Variants in TAMM41 observed in about 807,000 individuals in gnomAD.
TAMM41 encodes phosphatidate cytidylyltransferase, mitochondrial.
A neutral mutation model predicts 44.1 loss-of-function variants in TAMM41; 36 were observed. The ratio of observed to expected loss-of-function variants is 0.82; its 90% confidence interval spans 0.63 to 1.08. The LOEUF (loss-of-function observed/expected upper bound fraction) is 1.08. Ranked by LOEUF, TAMM41 falls within the 50% of genes least tolerant of loss-of-function variation. The pLI, the probability that TAMM41 is intolerant of heterozygous loss-of-function variation, is 0.00. For synonymous variants in TAMM41, 164 were observed against 153.1 expected, an observed-to-expected ratio of 1.07 and a Z score of -0.53; for missense variants, 417 against 404.3, an observed-to-expected ratio of 1.03 and a Z score of -0.27.
intron 4 of TAMM41, among the ~76,000 whole-genome samples, chr3:11,821,021 A>C (rs1280511264): frequency 6.6e-6 from 1 of 152,224 alleles, no homozygotes; most frequent in Non-Finnish European, 1.5e-5. Context: ...ACTGAGGTCA[A>C]GTTACTTAAA....
At chr3:11,788,926 A>G (rs2077433348), downstream of TAMM41, among the ~76,000 whole-genome samples, 4 of 152,144 alleles carry the variant, frequency 2.6e-5, no homozygotes, top group Admixed American at 2.6e-4. Context: ...AACAAGGGCG[A>G]AATTCCATCT....
rs199685690 is a variant in TAMM41 at position 11,846,539 on chromosome 3, C to G, written c.98G>C (p.Gly33Ala). 14 of 1,614,206 alleles carry G rather than the reference C, an allele frequency of 8.7e-6. No individual in the cohort carries two copies. Among genetic ancestry groups the G allele is most frequent in the Non-Finnish European group, 1.2e-5 (14 of 1,180,030 alleles). ...ACTCGGCCCTGCCTGGCGGTACACC[C>G]CGGAGCCGTAGACGAAAGCCAGACT... Reference protein sequence around the residue: ...ELSLAFVYGSGVYRQAGPSSD... With the variant: ...ELSLAFVYGSAVYRQAGPSSD... The change falls in exon 1 of 8, where the codon GGG becomes GCG. Residue 33 changes from glycine to alanine, a missense_variant. Physicochemically the swap from Gly to Ala is moderately conservative, Grantham distance 60 (BLOSUM62 0). Coordinates refer to ENST00000455809, the MANE Select transcript of TAMM41 (RefSeq NM_001284401.2).
chr3:11,827,354 G>C (rs184170723), intron 4 of TAMM41, among the ~76,000 whole-genome samples: 1 of 150,008 alleles, frequency 6.7e-6, no homozygotes, highest in East Asian at 1.9e-4. Flanking sequence ...GTGTCATCCA[G>C]GCTGGAGTGC....
intron 3 of TAMM41, among the ~76,000 whole-genome samples, chr3:11,834,750 G>A (rs2079109192): frequency 6.6e-6 from 1 of 152,170 alleles, no homozygotes; most frequent in African/African-American, 2.4e-5. Flanking sequence ...GCAGTGGCAT[G>A]ATCTTGACTC....
chr3:11,748,412 G>A, the TAMM41 span, among the ~76,000 whole-genome samples: 1 of 152,060 alleles, frequency 6.6e-6, no homozygotes, highest in South Asian at 2.1e-4. Flanking sequence ...CCTCCGAGTA[G>A]CTGGAACTAC....
intron 4 of TAMM41, among the ~76,000 whole-genome samples, chr3:11,818,428 A>G: frequency 6.6e-6 from 1 of 152,232 alleles, no homozygotes; most frequent in East Asian, 1.9e-4. Flanking sequence ...TATTTGCCAC[A>G]ATGGATTTTC....
At chr3:11,793,744 G>A (rs1205624164) in intron 7 of TAMM41, among the ~76,000 whole-genome samples, 1 of 152,126 alleles carries the variant, frequency 6.6e-6, no homozygotes, top group African/African-American at 2.4e-5. Context: ...GCTTATACAT[G>A]GTTAAAAAAT....
At chr3:11,793,059 C>CAAAAAAAAAAAAAAAAAAAAAAAAAA (rs61264653) in intron 7 of TAMM41, among the ~76,000 whole-genome samples, 1 of 65,128 alleles carries the variant, frequency 1.5e-5, no homozygotes, top group African/African-American at 6.7e-5. Context: ...GGCCCCATCT[C>CAAAAAAAAAAAAAAAAAAAAAAAAAA]AAAAAAAAAA....
intron 3 of TAMM41, among the ~76,000 whole-genome samples, chr3:11,833,450 T>C (rs2079062041): frequency 6.6e-6 from 1 of 152,184 alleles, no homozygotes; most frequent in Admixed American, 6.5e-5. Context: ...ACTGTTCAAA[T>C]ACTCAACCGC....
chr3:11,845,896 G>A (rs1415245203), intron 1 of TAMM41, among the ~76,000 whole-genome samples: 1 of 152,232 alleles, frequency 6.6e-6, no homozygotes, highest in African/African-American at 2.4e-5. Context: ...AGTGCTGAGC[G>A]AGGGTAAATA....
chr3:11,817,292 T>C lies in TAMM41; in HGVS notation c.608A>G (p.Asn203Ser), dbSNP rs756952041. ...VVGEDKTKVL[N>S]IVKPNIAHFR... ...GTGGGCTATATTGGGCTTCACAATA[T>C]TCAACACTTTTGTTTTATCTTCTCC... is the stretch of plus-strand genomic sequence containing the variant. The change falls in exon 5 of 8, where the codon AAT becomes AGT. Residue 203 changes from asparagine to serine, a missense_variant. Coordinates refer to ENST00000455809, the MANE Select transcript of TAMM41 (RefSeq NM_001284401.2). The C allele has an allele frequency of 6.2e-6, 10 of 1,612,686 alleles. No homozygotes were observed. In the Admixed American group the frequency reaches 1.7e-4, roughly 27 times the overall value.
At position 11,813,870 on chromosome 3, in the gene TAMM41, ATATG is replaced by A. The variant is rs767230207; in HGVS notation, c.708+3318_708+3321del. Among the ~76,000 whole-genome samples the A allele has an allele frequency of 5.7e-3, 819 of 143,056 alleles. 7 individuals are homozygous for A. The highest frequency in any genetic ancestry group is 0.021 in the African/African-American group (762 of 36,338). The allele number at this position is 143,056 out of a possible 152,430, so 93.9% of individuals were successfully genotyped here. ...TGTGTGTGTGTGTATGTATGTATAT[ATATG>A]TATATATGTATATATGTGTATATAT... On this transcript the variant is annotated intron_variant, in intron 5 of 7. Coordinates refer to ENST00000455809, the MANE Select transcript of TAMM41 (RefSeq NM_001284401.2).
the TAMM41 span, among the ~76,000 whole-genome samples, chr3:11,745,752 T>A: frequency 2.0e-5 from 3 of 152,182 alleles, no homozygotes; most frequent in African/African-American, 7.2e-5. Flanking sequence ...TGTGGATACA[T>A]GGTGGTGATA....
At chr3:11,842,661 T>C (rs1575730573) in intron 2 of TAMM41, among the ~76,000 whole-genome samples, 1 of 151,958 alleles carries the variant, frequency 6.6e-6, no homozygotes, top group East Asian at 1.9e-4. Flanking sequence ...GCCACTGCAT[T>C]CTAGCCTGGG....
At chr3:11,838,810 G>A (rs747415957) in intron 3 of TAMM41, among the ~76,000 whole-genome samples, 9 of 151,900 alleles carry the variant, frequency 5.9e-5, no homozygotes, top group Admixed American at 3.3e-4. Flanking sequence ...TGGGAGTGGG[G>A]GGCCTGAAAG....
Position 11,809,550 on chromosome 3 carries a change from G to A in TAMM41, c.841C>T (p.His281Tyr), listed in dbSNP as rs775627982. The change falls in exon 6 of 8, where the codon CAT (histidine) becomes TAT (tyrosine). Residue 281 changes from histidine to tyrosine, a missense_variant. Coordinates refer to ENST00000455809, the MANE Select transcript of TAMM41 (RefSeq NM_001284401.2). The stretch of plus-strand genomic sequence containing the variant: ...ACCACATCTCCACAGTCGGGATCAT[G>A]AGCCACTTGGAATAAAGTTTCTTCC... ...DVEETLFQVA[H>Y]DPDCGDVVRL... 18 of 1,613,960 alleles carry A rather than the reference G, an allele frequency of 1.1e-5. No homozygotes were observed. In the Admixed American group the frequency reaches 1.2e-4, roughly 10 times the overall value.
intron 7 of TAMM41, among the ~76,000 whole-genome samples, chr3:11,803,491 T>C (rs868233580): frequency 6.6e-6 from 1 of 152,216 alleles, no homozygotes; most frequent in Non-Finnish European, 1.5e-5. Flanking sequence ...ATAGCCTTTA[T>C]GGGAAACAGT....
the TAMM41 span, among the ~76,000 whole-genome samples, chr3:11,742,619 C>T: frequency 2.1e-5 from 3 of 144,692 alleles, no homozygotes; most frequent in Admixed American, 6.8e-5. Flanking sequence ...GAGACAGGGT[C>T]TTGCCCTGTT....
intron 5 of TAMM41, among the ~76,000 whole-genome samples, chr3:11,811,859 C>CAGCTCTGTG (rs2078096604): frequency 6.6e-6 from 1 of 152,106 alleles, no homozygotes. Flanking sequence ...GATGGCTGTG[C>CAGCTCTGTG]AGCTCTGTGA....
Sources: allele counts gnomAD v4.1 joint callset (sites outside exome capture counted in the v4.1 genomes callset), GRCh38; gene constraint gnomAD v4.1.1; transcripts MANE v1.5; gene names NCBI Gene and HGNC (gene_info 2026-07-23, HGNC 2026-07-21).